COG7: variants seen among roughly 807,000 people sequenced by gnomAD.
The protein encoded by COG7 is conserved oligomeric Golgi complex subunit 7.
A neutral mutation model predicts 91.5 loss-of-function variants in COG7; 49 were observed. The observed-to-expected ratio is 0.54, with a 90% confidence interval of 0.43 to 0.68. The LOEUF (loss-of-function observed/expected upper bound fraction) is 0.68. Among genes scored for constraint, COG7 ranks in the 30% least tolerant of loss-of-function variants. The pLI, the probability that COG7 is intolerant of heterozygous loss-of-function variation, is 0.00. For missense variants in COG7, 895 were observed against 961.3 expected, an observed-to-expected ratio of 0.93 and a Z score of 0.91; for synonymous variants, 365 against 388.7, an observed-to-expected ratio of 0.94 and a Z score of 0.72.
intron 8 of COG7, among the ~76,000 whole-genome samples, chr16:23,418,189 T>C (rs999635771): frequency 1.3e-5 from 2 of 152,212 alleles, no homozygotes; most frequent in Non-Finnish European, 2.9e-5. Flanking sequence ...TCATTTTGTT[T>C]AACCTTCATT....
At chr16:23,418,596 T>A (rs969480818) in intron 8 of COG7, 104 bp downstream of exon 8, 2 of 1,023,018 alleles carry the variant, frequency 2.0e-6, no homozygotes, top group Non-Finnish European at 3.0e-6. Flanking sequence ...TTAAAGGTCA[T>A]ATTTCAGCAC....
Position 23,442,083 on chromosome 16 carries a change from C to T in COG7, c.604+394G>A, listed in dbSNP as rs540078945. Among the ~76,000 whole-genome samples, 41 of 152,166 alleles carry T rather than the reference C, an allele frequency of 2.7e-4. 1 individual carries two copies. The highest frequency in any genetic ancestry group is 4.3e-4 in the African/African-American group (18 of 41,536). ...CGCGGTGGCTCATGTCTGTTAATCC[C>T]AGCACTTTGGGAGGCCGAGGCGAGG... On this transcript the variant is annotated intron_variant, in intron 4 of 16. Coordinates refer to ENST00000307149, the MANE Select transcript of COG7 (RefSeq NM_153603.4).
chr16:23,437,714 C>T (rs898501299), intron 4 of COG7, among the ~76,000 whole-genome samples: 1 of 152,182 alleles, frequency 6.6e-6, no homozygotes, highest in Non-Finnish European at 1.5e-5. Flanking sequence ...AGCACTATCA[C>T]ACACAAACAT....
At chr16:23,392,611 T>C (rs535323508) in intron 15 of COG7, 88 bp from the exon 16 acceptor site, 3 of 1,531,746 alleles carry the variant, frequency 2.0e-6, no homozygotes, top group Non-Finnish European at 2.7e-6. Context: ...CTGATCTCAA[T>C]GGCAAACACA....
intron 3 of COG7, 116 bp from the exon 4 acceptor site, chr16:23,442,761 C>A (rs114815369): frequency 8.1e-5 from 75 of 927,344 alleles, no homozygotes; most frequent in Middle Eastern, 6.3e-4. Context: ...GGCTGGGCAT[C>A]GTGGTGGTTC....
Position 23,413,460 on chromosome 16 carries a change from T to C in COG7, c.1397A>G (p.Gln466Arg). 2 of 1,591,178 alleles carry C rather than the reference T, an allele frequency of 1.3e-6. No homozygotes were observed. The highest frequency in any genetic ancestry group is 1.7e-6 in the Non-Finnish European group (2 of 1,158,940). Reference protein sequence around the residue: ...SLFQEDWTAFQNSIRIIATCG... With the variant: ...SLFQEDWTAFRNSIRIIATCG... ...ACCCCCGGTTTACCTAATGGAGTTC[T>C]GAAAAGCCGTCCAATCTTCCTGGAA... is the stretch of plus-strand genomic sequence containing the variant. The change falls in exon 10 of 17, where the codon CAG becomes CGG. Residue 466 changes from glutamine to arginine, a missense_variant. Transcript: ENST00000307149.
Position 23,421,764 on chromosome 16 carries a change from TG to T in COG7, c.1010-2938del, listed in dbSNP as rs1167088280. Among the ~76,000 whole-genome samples the T allele has an allele frequency of 4.1e-5, 6 of 145,228 alleles. No homozygotes were observed. In the South Asian group the frequency reaches 6.4e-4, roughly 16 times the overall value. On this transcript the variant is annotated intron_variant, in intron 7 of 16. Transcript: ENST00000307149. Reference sequence around the variant, plus strand: ...GTGTCAGGAGGCTGAGGAAGGAGAATGGCATGAACCCAGGAGGTGGAGGCTT... The same window carrying T: ...GTGTCAGGAGGCTGAGGAAGGAGAATGCATGAACCCAGGAGGTGGAGGCTT...
intron 10 of COG7, among the ~76,000 whole-genome samples, chr16:23,412,096 G>T (rs1267337034): frequency 1.3e-5 from 2 of 152,092 alleles, no homozygotes; most frequent in African/African-American, 4.8e-5. Context: ...GGCCAGGCTG[G>T]TCTTGAACTC....
intron 12 of COG7, 52 bp from the exon 13 acceptor site, chr16:23,403,886 G>C: frequency 6.2e-7 from 1 of 1,609,940 alleles, no homozygotes; most frequent in Non-Finnish European, 8.5e-7. Context: ...CCCAACCCAA[G>C]TATTAGCTAG....
At chr16:23,420,586 TCTC>T (rs1428756539) in intron 7 of COG7, among the ~76,000 whole-genome samples, 2 of 152,148 alleles carry the variant, frequency 1.3e-5, no homozygotes, top group Admixed American at 6.6e-5. Flanking sequence ...AACTCCTACT[TCTC>T]CTTCAATACT....
intron 6 of COG7, among the ~76,000 whole-genome samples, chr16:23,426,208 T>A (rs1022059163): frequency 1.3e-5 from 2 of 152,188 alleles, no homozygotes; most frequent in African/African-American, 4.8e-5. Flanking sequence ...AGAGCAAGAC[T>A]CTGTCTCAAA....
At chr16:23,390,200 T>G (rs1272994093) in intron 16 of COG7, 1 of 151,006 alleles carries the variant, frequency 6.6e-6, no homozygotes, top group African/African-American at 2.4e-5. Context: ...GTTTTTTTTT[T>G]TTTTTTTTTT....
intron 6 of COG7, among the ~76,000 whole-genome samples, chr16:23,429,319 C>T (rs1401154820): frequency 6.6e-6 from 1 of 152,008 alleles, no homozygotes; most frequent in East Asian, 1.9e-4. Context: ...TAAACATACA[C>T]CTACGATTTG....
Position 23,433,571 on chromosome 16 carries a change from G to C in COG7, c.784C>G (p.His262Asp). The C allele has an allele frequency of 6.2e-7, 1 of 1,614,076 alleles. No homozygotes were observed. The highest frequency in any genetic ancestry group is 8.5e-7 in the Non-Finnish European group (1 of 1,179,998). Residue 262 changes from histidine (H) to aspartate (D), a missense_variant, in exon 6 of 17, where the codon CAC becomes GAC. His to Asp is a moderately conservative substitution (Grantham distance 81). Coordinates refer to ENST00000307149, the MANE Select transcript of COG7 (RefSeq NM_153603.4). ...GLYDALLGAW[H>D]TQIQWATQVF... ...TGTGTAGCCCACTGGATTTGTGTGT[G>C]CCAAGCACCAAGCAAGGCATCATAG...
intron 7 of COG7, among the ~76,000 whole-genome samples, chr16:23,420,216 T>C (rs1963732118): frequency 6.6e-6 from 1 of 152,226 alleles, no homozygotes; most frequent in South Asian, 2.1e-4. Context: ...AAACACGCTG[T>C]ATCAGAATGT....
chr16:23,451,076 C>T (rs1193557146), intron 1 of COG7, among the ~76,000 whole-genome samples: 2 of 152,058 alleles, frequency 1.3e-5, no homozygotes, highest in Non-Finnish European at 2.9e-5. Context: ...ACCTGTAATC[C>T]CAGCTACTCA....
chr16:23,424,115 T>C (rs1484326927), intron 7 of COG7, among the ~76,000 whole-genome samples: 4 of 152,016 alleles, frequency 2.6e-5, no homozygotes, highest in African/African-American at 7.2e-5. Context: ...AGCCTCAACA[T>C]GGAGAAACCC....
In COG7 at chr16:23,450,950, T is replaced by G. The variant is rs141914285; in HGVS notation, c.169+1876A>C. 5.6e-3 allele frequency among the ~76,000 whole-genome samples: 852 copies of G among 152,230 alleles called. 9 individuals carry two copies. The highest frequency in any genetic ancestry group is 0.019 in the African/African-American group (808 of 41,554). ...GGCTCATGCCTGTAATCCCAGCACT[T>G]TGGGAGGCCGAGGTGGGTGGATCAC... is the stretch of plus-strand genomic sequence containing the variant. On this transcript the variant is annotated intron_variant, in intron 1 of 16. Transcript: ENST00000307149.
chr16:23,397,885 T>A (rs1963310470), intron 14 of COG7, among the ~76,000 whole-genome samples, 161 bp downstream of exon 14: 1 of 152,188 alleles, frequency 6.6e-6, no homozygotes. Flanking sequence ...TCTGCTGATC[T>A]TCTTAAAGTC....
Sources: gnomAD v4.1 joint callset for allele counts (sites outside exome capture counted in the v4.1 genomes callset) on GRCh38, gnomAD v4.1.1 for gene constraint, MANE v1.5 for transcripts, NCBI Gene and HGNC (gene_info 2026-07-23, HGNC 2026-07-21) for gene names.